Variants in ONECUT2 observed in about 807,000 individuals in gnomAD.
ONECUT2 encodes one cut domain family member 2.
A neutral mutation model predicts 27.9 loss-of-function variants in ONECUT2; 10 were observed. That is an observed-to-expected ratio of 0.36 (90% CI 0.22 to 0.61). The LOEUF (loss-of-function observed/expected upper bound fraction) is 0.61, where lower values mean the gene tolerates loss of function less well. Ranked by LOEUF, ONECUT2 falls within the 20% of genes least tolerant of loss-of-function variation. The probability of loss-of-function intolerance (pLI) is 0.73; values close to 1 mark genes in which losing one functional copy is unlikely to be tolerated. For synonymous variants in ONECUT2, 334 were observed against 315.1 expected (o/e 1.06, Z -0.64); for missense variants, 686 against 721.0 (o/e 0.95, Z 0.56).
rs929522607 is a variant in ONECUT2, at chr18:57,481,160, T to A, written c.*4437T>A. The A allele has an allele frequency of 2.0e-4, 30 of 150,604 alleles. No homozygotes were observed. Among genetic ancestry groups the A allele is most frequent in the Admixed American group, 1.8e-3 (27 of 14,602 alleles). The allele number at this position is 150,604 out of a possible 1,614,324, so 9.3% of individuals were successfully genotyped here. The stretch of plus-strand genomic sequence containing the variant: ...AAAAAACAGACAGAGCCAATACATT[T>A]CTTTTTTTAAAGGAAACAGCAACAA... On this transcript the variant is annotated 3_prime_UTR_variant, in exon 2 of 2. Transcript: ENST00000491143.
chr18:57,478,886 G>A lies in ONECUT2; in HGVS notation c.*2163G>A, dbSNP rs1220599549. 6.6e-6 allele frequency: 1 copy of A among 152,298 alleles called. No individual in the cohort carries two copies. Among genetic ancestry groups the A allele is most frequent in the Non-Finnish European group, 1.5e-5 (1 of 68,030 alleles). 9.4% of individuals were successfully genotyped at this position (152,298 alleles called of 1,614,324 possible). A position where few individuals can be genotyped will look rare whatever the true frequency, so the allele number is the denominator to read the frequency against. On this transcript the variant is annotated 3_prime_UTR_variant, in exon 2 of 2. Transcript: ENST00000491143. ...GTTTCTCTGAGCAACAAAAGGAAAG[G>A]GCCATTTATTTGATTTTATTGTTTC... is the stretch of plus-strand genomic sequence containing the variant.
At position 57,446,686 on chromosome 18, in the gene ONECUT2, A is replaced by G. The variant is rs139466882; in HGVS notation, c.1228+9742A>G. ...CATTATCTTCCTAGAAGTAGCTTAA[A>G]GGGCTTTTTCCTGGTCCTTTGAAAC... On this transcript the variant is annotated intron_variant, in intron 1 of 1. Coordinates refer to ENST00000491143, the MANE Select transcript of ONECUT2 (RefSeq NM_004852.3). Among the ~76,000 whole-genome samples the G allele has an allele frequency of 6.1e-3, 924 of 152,340 alleles. 8 individuals carry two copies. Among genetic ancestry groups the G allele is most frequent in the African/African-American group, 0.019 (804 of 41,578 alleles).
Position 57,488,493 on chromosome 18 carries a change from G to A in ONECUT2, c.*11770G>A, listed in dbSNP as rs1052712846. 2.0e-5 allele frequency: 3 copies of A among 152,584 alleles called. No homozygotes were observed. The highest frequency in any genetic ancestry group is 1.3e-4 in the Admixed American group (2 of 15,276). 9.5% of individuals were successfully genotyped at this position (152,584 alleles called of 1,614,324 possible). A position where few individuals can be genotyped will look rare whatever the true frequency, so the allele number is the denominator to read the frequency against. ...TTTTTTAATCACAGGCAATGCATGGGTCTGGCTGGTTACACTTTGCCAAGA... is the reference window on the plus strand; with the variant it reads ...TTTTTTAATCACAGGCAATGCATGGATCTGGCTGGTTACACTTTGCCAAGA... On this transcript the variant is annotated 3_prime_UTR_variant, in exon 2 of 2. Transcript: ENST00000491143.
chr18:57,467,946 G>A (rs3859402), intron 1 of ONECUT2, among the ~76,000 whole-genome samples: 78,459 of 152,052 alleles, frequency 0.52, 22,918 homozygotes, highest in Non-Finnish European at 0.67. Context: ...CTCTTGCTCC[G>A]CCATTCTCCC....
Position 57,481,646 on chromosome 18 carries a change from T to A in ONECUT2, c.*4923T>A, listed in dbSNP as rs969704331. The A allele has an allele frequency of 4.6e-5, 7 of 152,218 alleles. No homozygotes were observed. Among genetic ancestry groups the A allele is most frequent in the African/African-American group, 1.7e-4 (7 of 41,456 alleles). The allele number at this position is 152,218 out of a possible 1,614,324, so 9.4% of individuals were successfully genotyped here. On this transcript the variant is annotated 3_prime_UTR_variant, in exon 2 of 2. Transcript: ENST00000491143. ...GTTGGTAGAATTATAGGAATGTCTG[T>A]TTGATTATCATTACCAAAGTGTCAT...
rs2050400982 is a variant in ONECUT2 at position 57,478,985 on chromosome 18, G to C, written c.*2262G>C. ...AAGTTTCCATGGACTCCAAGTTTAA[G>C]ATGTTGGGATATTGAACAGTTCTCT... On this transcript the variant is annotated 3_prime_UTR_variant, in exon 2 of 2. Transcript: ENST00000491143. The C allele has an allele frequency of 6.6e-6, 1 of 152,636 alleles. No individual in the cohort carries two copies. The highest frequency in any genetic ancestry group is 2.4e-5 in the African/African-American group (1 of 41,452). 9.5% of individuals were successfully genotyped at this position (152,636 alleles called of 1,614,324 possible).
rs542802397 is a variant in ONECUT2 at position 57,466,583 on chromosome 18, A to G, written c.1229-9854A>G. Among the ~76,000 whole-genome samples the G allele has an allele frequency of 2.0e-5, 3 of 152,338 alleles. No homozygotes were observed. The South Asian group carries it at 6.2e-4, about 32-fold the overall frequency. ...AGATCCCTCTTTGCCAGGCTTCTGC[A>G]TAGGCAGAAGAGATGACTGGGAATT... On this transcript the variant is annotated intron_variant, in intron 1 of 1. Transcript: ENST00000491143.
chr18:57,454,283 A>G (rs1035994014), intron 1 of ONECUT2, among the ~76,000 whole-genome samples: 1 of 152,182 alleles, frequency 6.6e-6, no homozygotes, highest in Non-Finnish European at 1.5e-5. Flanking sequence ...ATCTGCCATT[A>G]TTGATTGATT....
chr18:57,445,802 A>G (rs2050198081), intron 1 of ONECUT2, among the ~76,000 whole-genome samples: 1 of 152,198 alleles, frequency 6.6e-6, no homozygotes, highest in Non-Finnish European at 1.5e-5. Context: ...ATCAACTTGG[A>G]TCACTTGTTT....
intron 1 of ONECUT2, among the ~76,000 whole-genome samples, chr18:57,449,731 C>G (rs552482182): frequency 3.3e-5 from 5 of 152,342 alleles, no homozygotes; most frequent in African/African-American, 1.2e-4. Flanking sequence ...TGTCTTTGCA[C>G]GTTCTGTTCC....
At chr18:57,452,314 T>C (rs748850853) in intron 1 of ONECUT2, among the ~76,000 whole-genome samples, 4 of 152,164 alleles carry the variant, frequency 2.6e-5, no homozygotes, top group Non-Finnish European at 5.9e-5. Context: ...ACTTAGTAAA[T>C]ATGCAAGGAT....
chr18:57,436,796 G>T lies in ONECUT2; in HGVS notation c.1080G>T (p.Val360=). The change falls in exon 1 of 2, where the codon GTG becomes GTT. Residue 360 remains valine, a synonymous_variant. Coordinates refer to ENST00000491143, the MANE Select transcript of ONECUT2 (RefSeq NM_004852.3). The surrounding 1 kb of genome is among the most constrained non-coding windows in gnomAD (Gnocchi z 5.9). ...CCCAGGCGATCTTTGCGCAGAGGGTGCTGTGCCGGTCTCAGGGGACTCTCT... is the reference window on the plus strand; with the variant it reads ...CCCAGGCGATCTTTGCGCAGAGGGTTCTGTGCCGGTCTCAGGGGACTCTCT... The part of the protein sequence containing the change: ...SIPQAIFAQR[V]LCRSQGTLSD... 1.2e-6 allele frequency: 2 copies of T among 1,614,062 alleles called. No individual in the cohort carries two copies. The highest frequency in any genetic ancestry group is 1.1e-5 in the South Asian group (1 of 91,088).
rs1167604507 is a variant in ONECUT2 at position 57,488,915 on chromosome 18, C to T, written c.*12192C>T. 1 of 152,236 alleles carries T rather than the reference C, an allele frequency of 6.6e-6. No individual in the cohort carries two copies. Among genetic ancestry groups the T allele is most frequent in the Admixed American group, 6.5e-5 (1 of 15,278 alleles). 9.4% of individuals were successfully genotyped at this position (152,236 alleles called of 1,614,324 possible). On this transcript the variant is annotated 3_prime_UTR_variant, in exon 2 of 2. Coordinates refer to ENST00000491143, the MANE Select transcript of ONECUT2 (RefSeq NM_004852.3). ...TAACCTCACTCTCTCTGGACTCCAA[C>T]ACTTCCCTGCAATCCTTTGGTCTTG... is the stretch of plus-strand genomic sequence containing the variant.
Position 57,482,011 on chromosome 18 carries a change from T to C in ONECUT2, c.*5288T>C, listed in dbSNP as rs1290222797. On this transcript the variant is annotated 3_prime_UTR_variant, in exon 2 of 2. Coordinates refer to ENST00000491143, the MANE Select transcript of ONECUT2 (RefSeq NM_004852.3). Reference sequence around the variant, plus strand: ...CTGGTGTATCTATAACTTTCTGATATTTGTCTGCCAAACTTGATATATTAG... The same window carrying C: ...CTGGTGTATCTATAACTTTCTGATACTTGTCTGCCAAACTTGATATATTAG... The C allele has an allele frequency of 6.6e-6, 1 of 152,198 alleles. No individual in the cohort carries two copies. The highest frequency in any genetic ancestry group is 1.9e-4 in the East Asian group (1 of 5,200). The allele number at this position is 152,198 out of a possible 1,614,324, so 9.4% of individuals were successfully genotyped here.
chr18:57,471,231 C>T (rs1377940095), intron 1 of ONECUT2, among the ~76,000 whole-genome samples: 1 of 152,180 alleles, frequency 6.6e-6, no homozygotes, highest in Non-Finnish European at 1.5e-5. Context: ...CATGGGTAGG[C>T]GATGGACAGG....
At chr18:57,474,374 A>G (rs972456189) in intron 1 of ONECUT2, among the ~76,000 whole-genome samples, 2 of 152,172 alleles carry the variant, frequency 1.3e-5, no homozygotes, top group African/African-American at 4.8e-5. Flanking sequence ...TAGTCTGTTA[A>G]GGCTCCAGTA....
rs1460902437 is a variant in ONECUT2, at chr18:57,482,775, C to T, written c.*6052C>T. On this transcript the variant is annotated 3_prime_UTR_variant, in exon 2 of 2. Transcript: ENST00000491143. ...CTGTGTACATACAAGTGTGTACAGA[C>T]AAGCTTCATACGTATATACTGTAAT... 1 of 152,168 alleles carries T rather than the reference C, an allele frequency of 6.6e-6. No homozygotes were observed. Among genetic ancestry groups the T allele is most frequent in the Non-Finnish European group, 1.5e-5 (1 of 68,030 alleles). The allele number at this position is 152,168 out of a possible 1,614,324, so 9.4% of individuals were successfully genotyped here.
intron 1 of ONECUT2, among the ~76,000 whole-genome samples, chr18:57,455,032 T>TG (rs2050251190): frequency 6.6e-6 from 1 of 152,190 alleles, no homozygotes; most frequent in South Asian, 2.1e-4. Context: ...ATCACAGGTT[T>TG]GGGGGGCCTT....
chr18:57,439,076 C>G (rs1245876950), intron 1 of ONECUT2, among the ~76,000 whole-genome samples: 2 of 152,202 alleles, frequency 1.3e-5, no homozygotes, highest in Non-Finnish European at 2.9e-5. Flanking sequence ...TCATGCCGGT[C>G]GCGCAAAGAA....
Sources: allele counts gnomAD v4.1 joint callset (sites outside exome capture counted in the v4.1 genomes callset), GRCh38; gene constraint gnomAD v4.1.1; non-coding constraint Gnocchi (gnomAD v3.1); transcripts MANE v1.5; gene names NCBI Gene and HGNC (gene_info 2026-07-23, HGNC 2026-07-21).